CACNB1: variants seen among roughly 807,000 people sequenced by gnomAD.
CACNB1 encodes calcium voltage-gated channel auxiliary subunit beta 1.
Under a neutral mutation model 71.6 loss-of-function variants are expected in CACNB1, and 29 were observed. That is an observed-to-expected ratio of 0.40 (90% confidence interval 0.30 to 0.55). The LOEUF is 0.55. Among genes scored for constraint, CACNB1 ranks in the 20% least tolerant of loss-of-function variants. CACNB1 has a pLI of 0.38. For missense variants in CACNB1, 623 were observed against 801.8 expected, an observed-to-expected ratio of 0.78 and a Z score of 2.69; for synonymous variants, 300 against 319.6, an observed-to-expected ratio of 0.94 and a Z score of 0.65.
intron 11 of CACNB1, among the ~76,000 whole-genome samples, chr17:39,179,310 C>T (rs940846019): frequency 6.7e-4 from 94 of 140,166 alleles, no homozygotes; most frequent in African/African-American, 2.4e-3. Flanking sequence ...AAAAGAGGGC[C>T]GGGTGCAGTG....
chr17:39,185,295 G>A (rs2045906805), intron 6 of CACNB1, 145 bp from the exon 7 acceptor site: 6 of 721,212 alleles, frequency 8.3e-6, no homozygotes, highest in Non-Finnish European at 1.5e-5. Context: ...ATGCGTGTTA[G>A]TGACAGACAG....
chr17:39,190,881 G>A (rs1182991263), intron 3 of CACNB1, among the ~76,000 whole-genome samples: 1 of 151,950 alleles, frequency 6.6e-6, no homozygotes, highest in Non-Finnish European at 1.5e-5. Flanking sequence ...TCCTTTTAAT[G>A]TGACTTTCCT....
rs1243984540 is a variant in CACNB1 at position 39,175,055 on chromosome 17, C to A, written c.*138G>T. On this transcript the variant is annotated 3_prime_UTR_variant, in exon 14 of 14. Coordinates refer to ENST00000394303, the MANE Select transcript of CACNB1 (RefSeq NM_000723.5). The surrounding 1 kb of genome is among the most constrained non-coding windows in gnomAD (Gnocchi z 4.7). ...AGCTGGGATGGTAACACCAAAGAAA[C>A]CCCAAGCTTTGAGCAAAGGCATCTG... is the stretch of plus-strand genomic sequence containing the variant. The A allele has an allele frequency of 4.0e-6, 3 of 757,520 alleles. No homozygotes were observed. The highest frequency in any genetic ancestry group is 6.4e-6 in the Non-Finnish European group (3 of 465,272). The allele number at this position is 757,520 out of a possible 1,614,324, so 46.9% of individuals were successfully genotyped here.
rs2046176778 is a variant in CACNB1, at chr17:39,195,145, C to T, written c.85-175G>A. ...CCCAAGGGGAGGGAGGGTCTCCCAT[C>T]CTCACGGAGAGGGCCCAGAGCACAG... is the stretch of plus-strand genomic sequence containing the variant. On this transcript the variant is annotated intron_variant, in intron 1 of 13. Coordinates refer to ENST00000394303, the MANE Select transcript of CACNB1 (RefSeq NM_000723.5). The T allele has an allele frequency of 7.0e-6, 4 of 571,716 alleles. No homozygotes were observed. The Admixed American group carries it at 1.3e-4, about 19-fold the overall frequency. The allele number at this position is 571,716 out of a possible 1,614,324, so 35.4% of individuals were successfully genotyped here.
At chr17:39,179,176 T>C (rs921616971) in intron 11 of CACNB1, among the ~76,000 whole-genome samples, 5 of 148,308 alleles carry the variant, frequency 3.4e-5, no homozygotes, top group Admixed American at 1.4e-4. Flanking sequence ...GCCTGTAGTC[T>C]CAGCTACTCA....
chr17:39,178,130 G>A (rs979798103), intron 11 of CACNB1, 51 bp from the exon 12 acceptor site: 1 of 1,372,358 alleles, frequency 7.3e-7, no homozygotes, highest in Non-Finnish European at 1.0e-6. Context: ...CTCAGGCAAT[G>A]CACCCAGTCA....
Position 39,175,104 on chromosome 17 carries a change from G to A in CACNB1, c.*89C>T, listed in dbSNP as rs1197710805. 2 of 1,082,552 alleles carry A rather than the reference G, an allele frequency of 1.8e-6. No homozygotes were observed. The highest frequency in any genetic ancestry group is 2.7e-6 in the Non-Finnish European group (2 of 739,020). 67.1% of individuals were successfully genotyped at this position (1,082,552 alleles called of 1,614,324 possible). The stretch of plus-strand genomic sequence containing the variant: ...TGAAAGGAGGGAGACAGCGCCCCCT[G>A]GAGGCGAATACATGTCAGGTGTGAG... On this transcript the variant is annotated 3_prime_UTR_variant, in exon 14 of 14. Coordinates refer to ENST00000394303, the MANE Select transcript of CACNB1 (RefSeq NM_000723.5). The surrounding 1 kb of genome is among the most constrained non-coding windows in gnomAD (Gnocchi z 4.7).
In CACNB1 at chr17:39,173,511, C is replaced by G. The variant is rs1410225280; in HGVS notation, c.*1682G>C. ...CACCAGTGGGTCTGGATCTCACCCA[C>G]TGAGCAACATTGAGCTTCCCATTGC... On this transcript the variant is annotated 3_prime_UTR_variant, in exon 14 of 14. Coordinates refer to ENST00000394303, the MANE Select transcript of CACNB1 (RefSeq NM_000723.5). 6.6e-6 allele frequency: 1 copy of G among 152,414 alleles called. No homozygotes were observed. Among genetic ancestry groups the G allele is most frequent in the Non-Finnish European group, 1.5e-5 (1 of 68,076 alleles). 9.4% of individuals were successfully genotyped at this position (152,414 alleles called of 1,614,324 possible). A position where few individuals can be genotyped will look rare whatever the true frequency, so the allele number is the denominator to read the frequency against.
chr17:39,193,374 A>C, intron 2 of CACNB1: 1 of 398,178 alleles, frequency 2.5e-6, no homozygotes, highest in South Asian at 1.7e-5. Context: ...GACACGCTGG[A>C]GTAAAGGCTG....
chr17:39,188,436 G>A (rs1050674887), intron 3 of CACNB1, among the ~76,000 whole-genome samples: 2 of 152,096 alleles, frequency 1.3e-5, no homozygotes, highest in Admixed American at 6.6e-5. Context: ...TTAGCTGGGC[G>A]CAGTGGCAGA....
intron 2 of CACNB1, 53 bp from the exon 3 acceptor site, chr17:39,191,646 G>A (rs1394688522): frequency 6.3e-7 from 1 of 1,580,066 alleles, no homozygotes; most frequent in Non-Finnish European, 8.6e-7. Flanking sequence ...CCAGCTCCTG[G>A]GCCTGGGAAG....
At chr17:39,189,803 T>C (rs1024553863) in intron 3 of CACNB1, among the ~76,000 whole-genome samples, 20 of 151,296 alleles carry the variant, frequency 1.3e-4, no homozygotes, top group African/African-American at 3.9e-4. Context: ...CAGCCAGCCC[T>C]GTCGGTTTTT....
intron 11 of CACNB1, among the ~76,000 whole-genome samples, chr17:39,182,516 T>A (rs2045798539): frequency 6.6e-6 from 1 of 151,610 alleles, no homozygotes; most frequent in Non-Finnish European, 1.5e-5. Flanking sequence ...CTGGCCAACA[T>A]GGTGAAACCC....
At chr17:39,187,240 G>C in intron 4 of CACNB1, 1 of 607,866 alleles carries the variant, frequency 1.6e-6, no homozygotes, top group African/African-American at 1.8e-5. Flanking sequence ...CATGTCCCTG[G>C]CACACCGCCA....
At chr17:39,180,239 G>GTGA in intron 11 of CACNB1, among the ~76,000 whole-genome samples, 1 of 151,496 alleles carries the variant, frequency 6.6e-6, no homozygotes, top group Non-Finnish European at 1.5e-5. Flanking sequence ...TCCAGCCTGG[G>GTGA]CAGCCAGAGT....
intron 11 of CACNB1, among the ~76,000 whole-genome samples, chr17:39,182,122 T>C (rs2045782029): frequency 6.7e-6 from 1 of 149,498 alleles, no homozygotes; most frequent in African/African-American, 2.5e-5. Context: ...ATCGCACCAC[T>C]ACACTCCAGC....
chr17:39,174,827 GAGA>G lies in CACNB1; in HGVS notation c.*363_*365del, dbSNP rs1044173159. On this transcript the variant is annotated 3_prime_UTR_variant, in exon 14 of 14. Coordinates refer to ENST00000394303, the MANE Select transcript of CACNB1 (RefSeq NM_000723.5). Reference sequence around the variant, plus strand: ...GCCCTTCCCCAGTACTGCAGCTTGGGAGAAGGAGAGCCATCCCACTTAGGACCG... The same window carrying G: ...GCCCTTCCCCAGTACTGCAGCTTGGGAGGAGAGCCATCCCACTTAGGACCG... 11 of 194,760 alleles carry G rather than the reference GAGA, an allele frequency of 5.6e-5. No individual in the cohort carries two copies. Among genetic ancestry groups the G allele is most frequent in the South Asian group, 4.0e-4 (3 of 7,460 alleles). The allele number at this position is 194,760 out of a possible 1,614,324, so 12.1% of individuals were successfully genotyped here. A position where few individuals can be genotyped will look rare whatever the true frequency, so the allele number is the denominator to read the frequency against.
Position 39,178,065 on chromosome 17 carries a change from G to A in CACNB1, c.1065C>T (p.Leu355=), listed in dbSNP as rs1347120534. The change falls in exon 12 of 14, where the codon CTC becomes CTT. Residue 355 remains leucine, a synonymous_variant. Transcript: ENST00000394303. The part of the protein sequence containing the change: ...KITSPKVLQR[L]IKSRGKSQSK... ...ACTGAGACTTTCCTCGGGACTTGAT[G>A]AGCCTTTGAAGTACCTGGTTTGGGG... 2 of 1,613,774 alleles carry A rather than the reference G, an allele frequency of 1.2e-6. No individual in the cohort carries two copies. The highest frequency in any genetic ancestry group is 1.3e-5 in the African/African-American group (1 of 74,908).
intron 3 of CACNB1, among the ~76,000 whole-genome samples, chr17:39,188,195 A>G (rs2045986247): frequency 6.6e-6 from 1 of 152,212 alleles, no homozygotes; most frequent in Middle Eastern, 3.4e-3. Flanking sequence ...AGGCATGAGA[A>G]TCATTTGAAT....
Sources: gnomAD v4.1 joint callset for allele counts (sites outside exome capture counted in the v4.1 genomes callset) on GRCh38, gnomAD v4.1.1 for gene constraint, Gnocchi (gnomAD v3.1) non-coding constraint, MANE v1.5 for transcripts, NCBI Gene and HGNC (gene_info 2026-07-23, HGNC 2026-07-21) for gene names.